Variants in GVQW3 observed in about 807,000 individuals in gnomAD.
GVQW3 encodes the protein protein GVQW3.
GVQW3 carries 7 observed loss-of-function variants against 12.5 expected under a neutral mutation model. That is an observed-to-expected ratio of 0.56 (90% CI 0.32 to 1.05). The LOEUF is 1.05. Among genes scored for constraint, GVQW3 ranks in the 50% least tolerant of loss-of-function variants. The pLI is 0.04. For missense variants in GVQW3, 188 were observed against 190.8 expected (o/e 0.99, Z 0.09); for synonymous variants, 71 against 67.2 (o/e 1.06, Z -0.28).
intron 1 of GVQW3, among the ~76,000 whole-genome samples, chr11:76,391,653 C>T (rs1367641719): frequency 1.1e-4 from 17 of 152,176 alleles, no homozygotes. Context: ...CAGCTTCCTC[C>T]TTCAAAAACA....
downstream of GVQW3, chr11:76,412,123 T>C (rs1947083759): frequency 6.6e-6 from 1 of 152,230 alleles, no homozygotes; most frequent in African/African-American, 2.4e-5. Flanking sequence ...CATACATTGA[T>C]TGAGCACCTA....
At chr11:76,387,692 G>A (rs543153711) in intron 1 of GVQW3, among the ~76,000 whole-genome samples, 14 of 152,220 alleles carry the variant, frequency 9.2e-5, no homozygotes, top group Admixed American at 2.0e-4. Flanking sequence ...AGGCTGAGGC[G>A]GGCAGATTGC....
intron 1 of GVQW3, among the ~76,000 whole-genome samples, chr11:76,402,397 A>T (rs1446364348): frequency 6.6e-6 from 1 of 152,102 alleles, no homozygotes; most frequent in Admixed American, 6.5e-5. Context: ...TACTAAAAAT[A>T]CAAAAATTAG....
At chr11:76,397,002 C>CTTTTTTTT (rs11401694) in intron 1 of GVQW3, among the ~76,000 whole-genome samples, 2 of 110,876 alleles carry the variant, frequency 1.8e-5, no homozygotes, top group African/African-American at 3.4e-5. Flanking sequence ...TCATTTATTC[C>CTTTTTTTT]TTTTTTTTTT....
chr11:76,406,796 C>G lies in GVQW3; in HGVS notation c.*3038C>G, dbSNP rs566562563. 6.6e-6 allele frequency: 1 copy of G among 152,178 alleles called. No homozygotes were observed. Among genetic ancestry groups the G allele is most frequent in the Non-Finnish European group, 1.5e-5 (1 of 68,044 alleles). 9.4% of individuals were successfully genotyped at this position (152,178 alleles called of 1,614,324 possible). On this transcript the variant is annotated 3_prime_UTR_variant, in exon 2 of 2. Transcript: ENST00000529331. ...GGCCAAGGCGGGTCGATCACGAAGT[C>G]AGGAGATCGAGACCAACCTGGCTAA...
In GVQW3 at chr11:76,404,229, TA is replaced by T. The variant is rs1159216199; in HGVS notation, c.*473del. On this transcript the variant is annotated 3_prime_UTR_variant, in exon 2 of 2. Transcript: ENST00000529331. The stretch of plus-strand genomic sequence containing the variant: ...ACTGACAGTGAACAATTGATTGAGA[TA>T]ACTCACTACCTTTGGACCAGCCATC... 7.8e-5 allele frequency: 30 copies of T among 384,056 alleles called. No individual in the cohort carries two copies. The highest frequency in any genetic ancestry group is 6.2e-4 in the African/African-American group (30 of 48,358). The allele number at this position is 384,056 out of a possible 1,614,324, so 23.8% of individuals were successfully genotyped here.
At chr11:76,412,050 C>G (rs1298185740), downstream of GVQW3, 2 of 152,214 alleles carry the variant, frequency 1.3e-5, no homozygotes, top group Admixed American at 1.3e-4. Flanking sequence ...ATCTCAACAG[C>G]TTTCCCAGAG....
At chr11:76,385,700 T>C (rs1946826580) in intron 1 of GVQW3, among the ~76,000 whole-genome samples, 1 of 152,176 alleles carries the variant, frequency 6.6e-6, no homozygotes, top group African/African-American at 2.4e-5. Context: ...GTAAGGAAAT[T>C]GTCTGCTCCA....
chr11:76,410,219 C>A (rs1287685302), downstream of GVQW3, among the ~76,000 whole-genome samples: 1 of 152,202 alleles, frequency 6.6e-6, no homozygotes, highest in African/African-American at 2.4e-5. Flanking sequence ...TACACCACTG[C>A]ACTCCAGCCT....
downstream of GVQW3, among the ~76,000 whole-genome samples, chr11:76,409,231 C>G (rs1376858849): frequency 6.6e-6 from 1 of 152,096 alleles, no homozygotes; most frequent in Non-Finnish European, 1.5e-5. Context: ...GATGTTGTAA[C>G]AGAGTGGAGG....
intron 1 of GVQW3, 108 bp from the exon 2 acceptor site, chr11:76,403,552 C>T: frequency 2.4e-6 from 1 of 416,944 alleles, no homozygotes; most frequent in Non-Finnish European, 4.2e-6. Flanking sequence ...TCACTGCAGG[C>T]TTGCATTCCT....
At chr11:76,391,361 C>T (rs1192839710) in intron 1 of GVQW3, among the ~76,000 whole-genome samples, 2 of 152,152 alleles carry the variant, frequency 1.3e-5, no homozygotes, top group Non-Finnish European at 2.9e-5. Context: ...ACTAGAAGAC[C>T]GAAACGGCTG....
chr11:76,414,625 A>G (rs1346195319), downstream of GVQW3: 1 of 147,144 alleles, frequency 6.8e-6, no homozygotes, highest in Admixed American at 6.8e-5. Flanking sequence ...CCCACAAAAA[A>G]AAAAAAAAAA....
At chr11:76,399,109 T>C (rs554324407) in intron 1 of GVQW3, among the ~76,000 whole-genome samples, 1 of 145,814 alleles carries the variant, frequency 6.9e-6, no homozygotes, top group South Asian at 2.1e-4. Context: ...TATTGTATTG[T>C]ATTTTATTTT....
At position 76,401,531 on chromosome 11, in the gene GVQW3, T is replaced by C. The variant is rs1248116316; in HGVS notation, c.466-2129T>C. On this transcript the variant is annotated intron_variant, in intron 1 of 1. Coordinates refer to ENST00000529331, the MANE Select transcript of GVQW3 (RefSeq NM_001347885.2). ...GCTCACGCCTGTAGTCCCAGCACTT[T>C]GGGAGTCTGAGGCAGGCGGATCACC... Among the ~76,000 whole-genome samples, 4 of 152,244 alleles carry C rather than the reference T, an allele frequency of 2.6e-5. No homozygotes were observed. The East Asian group carries it at 7.7e-4, about 29-fold the overall frequency.
At chr11:76,387,300 G>A (rs1565241918) in intron 1 of GVQW3, among the ~76,000 whole-genome samples, 1 of 152,138 alleles carries the variant, frequency 6.6e-6, no homozygotes, top group African/African-American at 2.4e-5. Context: ...GCCGGGCGTG[G>A]TGGTGTGTGT....
rs1302111211 is a variant in GVQW3, at chr11:76,404,658, C to T, written c.*900C>T. ...GCAGTGAAGGGGAATACCAAGCATC[C>T]TGCACATCAGGTAGAAGGAGGAAGC... On this transcript the variant is annotated 3_prime_UTR_variant, in exon 2 of 2. Transcript: ENST00000529331. 1 of 152,336 alleles carries T rather than the reference C, an allele frequency of 6.6e-6. No individual in the cohort carries two copies. The highest frequency in any genetic ancestry group is 2.4e-5 in the African/African-American group (1 of 41,460). 9.4% of individuals were successfully genotyped at this position (152,336 alleles called of 1,614,324 possible).
In GVQW3 at chr11:76,381,786, C is replaced by A; in HGVS notation, c.-43C>A. The A allele has an allele frequency of 6.8e-7, 1 of 1,464,080 alleles. No individual in the cohort carries two copies. 90.7% of individuals were successfully genotyped at this position (1,464,080 alleles called of 1,614,324 possible). On this transcript the variant is annotated 5_prime_UTR_variant, in exon 1 of 2. Coordinates refer to ENST00000529331, the MANE Select transcript of GVQW3 (RefSeq NM_001347885.2). ...GATTGATCTGTCCGTCTTTCCCTTA[C>A]AGTCGTGGCCTGTTAAACGTTCCTG...
chr11:76,384,826 A>T lies in GVQW3; in HGVS notation c.465+2533A>T, dbSNP rs1241436718. Among the ~76,000 whole-genome samples, 7 of 152,360 alleles carry T rather than the reference A, an allele frequency of 4.6e-5. No homozygotes were observed. In the East Asian group the frequency reaches 5.8e-4, roughly 13 times the overall value. On this transcript the variant is annotated intron_variant, in intron 1 of 1. Coordinates refer to ENST00000529331, the MANE Select transcript of GVQW3 (RefSeq NM_001347885.2). Reference sequence around the variant, plus strand: ...CCCACAAGCACTTGGCACCAGGGACACTGCACTTTAGGAACAAAGTCCCCA... The same window carrying T: ...CCCACAAGCACTTGGCACCAGGGACTCTGCACTTTAGGAACAAAGTCCCCA...
Sources: gnomAD v4.1 joint callset for allele counts (sites outside exome capture counted in the v4.1 genomes callset) on GRCh38, gnomAD v4.1.1 for gene constraint, MANE v1.5 for transcripts, NCBI Gene and HGNC (gene_info 2026-07-23, HGNC 2026-07-21) for gene names.